The following SPEF2 variants were observed in gnomAD, a reference collection of about 807,000 sequenced individuals.
SPEF2 encodes sperm flagellar and cilia associated 2, also known as sperm flagella and cilia-associated protein 2.
A neutral mutation model predicts 224.6 loss-of-function variants in SPEF2; 187 were observed. The observed-to-expected ratio is 0.83, with a 90% confidence interval of 0.74 to 0.94. SPEF2 has a LOEUF of 0.94. SPEF2 is among the 40% of genes least tolerant of loss of function. The probability of loss-of-function intolerance (pLI) is 0.00; values close to 1 mark genes in which losing one functional copy is unlikely to be tolerated. For synonymous variants in SPEF2, 715 were observed against 707.3 expected (o/e 1.01, Z -0.17); for missense variants, 2,170 against 2,135.6 (o/e 1.02, Z -0.32).
At chr5:35,667,899 A>G (rs1451637019) in intron 9 of SPEF2, among the ~76,000 whole-genome samples, 1 of 152,192 alleles carries the variant, frequency 6.6e-6, no homozygotes, top group Non-Finnish European at 1.5e-5. Context: ...TGACAAATAC[A>G]CAAGTAAAAA....
intron 25 of SPEF2, among the ~76,000 whole-genome samples, chr5:35,760,326 G>T (rs1490642374): frequency 6.7e-6 from 1 of 149,292 alleles, no homozygotes; most frequent in African/African-American, 2.5e-5. Context: ...TCTCACCACC[G>T]CACTCCAGCC....
chr5:35,790,131 AGTTCAGCT>A, intron 30 of SPEF2: 4 of 702,996 alleles, frequency 5.7e-6, no homozygotes, highest in Non-Finnish European at 1.0e-5. Context: ...CCTTCCTGCA[AGTTCAGCT>A]GAAGCAGAAC....
intron 15 of SPEF2, chr5:35,700,162 G>T (rs1258847709): frequency 8.5e-5 from 20 of 235,476 alleles, no homozygotes; most frequent in Non-Finnish European, 1.2e-4. Flanking sequence ...GAAACTGTAA[G>T]ACCAATTAAA....
chr5:35,806,886 G>A lies in SPEF2; in HGVS notation c.5190G>A (p.Gly1730=), dbSNP rs752782486. The A allele has an allele frequency of 5.6e-6, 9 of 1,613,878 alleles. No individual in the cohort carries two copies. The South Asian group carries it at 9.9e-5, about 18-fold the overall frequency. The change falls in exon 35 of 37, where the codon GGG becomes GGA. Residue 1730 remains glycine, a synonymous_variant. Coordinates refer to ENST00000356031, the MANE Select transcript of SPEF2 (RefSeq NM_024867.4). ...SMETLLKVFK[G]GSEAQDSNRF... is the part of the protein sequence containing the mutation. The stretch of plus-strand genomic sequence containing the variant: ...AAACACTACTCAAAGTGTTCAAAGG[G>A]GGAAGTGAAGCACAGGACTCCAATA...
chr5:35,734,676 A>C (rs191973048), intron 21 of SPEF2, among the ~76,000 whole-genome samples: 4 of 148,668 alleles, frequency 2.7e-5, no homozygotes, highest in Non-Finnish European at 5.9e-5. Context: ...GTCACTTCAC[A>C]ACACTTAGTA....
Position 35,782,512 on chromosome 5 carries a change from T to C in SPEF2, c.4447+3166T>C, listed in dbSNP as rs1754483721. The stretch of plus-strand genomic sequence containing the variant: ...AACAGCCATTATGTTACTAGGCCCA[T>C]GGTAGGATTTTTTAGCAGATTTATA... On this transcript the variant is annotated intron_variant, in intron 30 of 36. Transcript: ENST00000356031. 2.0e-5 allele frequency among the ~76,000 whole-genome samples: 3 copies of C among 152,280 alleles called. No homozygotes were observed. The South Asian group carries it at 6.2e-4, about 32-fold the overall frequency.
rs756808375 is a variant in SPEF2 at position 35,659,107 on chromosome 5, G to T, written c.1067G>T (p.Arg356Leu). 1.2e-6 allele frequency: 2 copies of T among 1,612,834 alleles called. No homozygotes were observed. The highest frequency in any genetic ancestry group is 1.7e-5 in the Admixed American group (1 of 59,888). Residue 356 changes from arginine to leucine, a missense_variant, in exon 8 of 37, where the codon CGG becomes CTG. By Grantham distance (102) the Arg-to-Leu change is moderately radical (BLOSUM62 -2). Coordinates refer to ENST00000356031, the MANE Select transcript of SPEF2 (RefSeq NM_024867.4). ...RRIAVQLMHV[R>L]HEKEVLWQNR... ...ATTGCCGTGCAGCTCATGCATGTTCGGCATGAAAAGGAAGTTTTATGGCAA... is the reference window on the plus strand; with the variant it reads ...ATTGCCGTGCAGCTCATGCATGTTCTGCATGAAAAGGAAGTTTTATGGCAA...
At chr5:35,799,186 C>T (rs1157329330) in intron 33 of SPEF2, among the ~76,000 whole-genome samples, 1 of 152,178 alleles carries the variant, frequency 6.6e-6, no homozygotes, top group Non-Finnish European at 1.5e-5. Flanking sequence ...TAAAAAGGTT[C>T]TCCAGGTCAT....
intron 30 of SPEF2, among the ~76,000 whole-genome samples, chr5:35,784,379 C>G (rs1326597526): frequency 1.3e-5 from 2 of 152,204 alleles, no homozygotes; most frequent in African/African-American, 4.8e-5. Context: ...CCGCCCGCCT[C>G]AGCCTCCCAA....
intron 2 of SPEF2, among the ~76,000 whole-genome samples, chr5:35,634,893 A>G (rs1410010353): frequency 6.6e-6 from 1 of 151,396 alleles, no homozygotes; most frequent in African/African-American, 2.4e-5. Context: ...TTTATTTTTT[A>G]CTTAATGTCT....
intron 32 of SPEF2, 69 bp downstream of exon 32, chr5:35,793,410 T>A: frequency 6.7e-7 from 1 of 1,494,120 alleles, no homozygotes; most frequent in South Asian, 1.3e-5. Flanking sequence ...AATTACTCAA[T>A]GATGTTACAT....
At chr5:35,799,052 A>T (rs1450581030) in intron 33 of SPEF2, among the ~76,000 whole-genome samples, 2 of 152,192 alleles carry the variant, frequency 1.3e-5, no homozygotes, top group Non-Finnish European at 2.9e-5. Flanking sequence ...ATACCCTCTG[A>T]CTCTAGGAAC....
chr5:35,810,257 G>A (rs1487660878), intron 36 of SPEF2, among the ~76,000 whole-genome samples: 1 of 152,134 alleles, frequency 6.6e-6, no homozygotes, highest in Non-Finnish European at 1.5e-5. Flanking sequence ...TGTTGCCCAG[G>A]CTGGAGTGCA....
At chr5:35,798,685 C>T (rs1439748954) in intron 33 of SPEF2, among the ~76,000 whole-genome samples, 2 of 152,118 alleles carry the variant, frequency 1.3e-5, no homozygotes, top group African/African-American at 4.8e-5. Context: ...CCTCCACCTC[C>T]CGGGTTCAAG....
Position 35,656,257 on chromosome 5 carries a change from C to T in SPEF2, c.978+1531C>T, listed in dbSNP as rs75211360. Among the ~76,000 whole-genome samples the T allele has an allele frequency of 2.1e-3, 313 of 152,146 alleles. 2 individuals carry two copies. Among genetic ancestry groups the T allele is most frequent in the African/African-American group, 7.3e-3 (301 of 41,506 alleles). ...TTTGAAGATGCTTTTATTCACCTACCCACGTCTGGTCTGCTTGTTCGCTGA... is the reference window on the plus strand; with the variant it reads ...TTTGAAGATGCTTTTATTCACCTACTCACGTCTGGTCTGCTTGTTCGCTGA... On this transcript the variant is annotated intron_variant, in intron 7 of 36. Transcript: ENST00000356031.
At chr5:35,663,706 A>G (rs971784006) in intron 8 of SPEF2, among the ~76,000 whole-genome samples, 6 of 152,274 alleles carry the variant, frequency 3.9e-5, no homozygotes, top group African/African-American at 1.4e-4. Context: ...TGGAGAGTGT[A>G]AGAATATAAC....
chr5:35,722,597 C>T (rs1202136805), intron 20 of SPEF2, among the ~76,000 whole-genome samples: 18 of 139,220 alleles, frequency 1.3e-4, no homozygotes, highest in African/African-American at 4.3e-4. Context: ...AACTCGTCGT[C>T]TAGCATTAGG....
Position 35,771,698 on chromosome 5 carries a change from A to G in SPEF2, c.3891A>G (p.Ala1297=). The part of the protein sequence containing the change: ...DPKEKSPQMG[A]NKKVKKEPPK... ...AAGAAAAATCTCCTCAGATGGGTGCAAATAAAAAAGTCAAAAAGGAGCCAC... is the reference window on the plus strand; with the variant it reads ...AAGAAAAATCTCCTCAGATGGGTGCGAATAAAAAAGTCAAAAAGGAGCCAC... The change falls in exon 27 of 37, where the codon GCA becomes GCG. Residue 1297 remains alanine, a synonymous_variant. Coordinates refer to ENST00000356031, the MANE Select transcript of SPEF2 (RefSeq NM_024867.4). 1 of 1,603,482 alleles carries G rather than the reference A, an allele frequency of 6.2e-7. No individual in the cohort carries two copies. Among genetic ancestry groups the G allele is most frequent in the Non-Finnish European group, 8.5e-7 (1 of 1,177,572 alleles).
chr5:35,649,160 T>C (rs1747838626), intron 5 of SPEF2, among the ~76,000 whole-genome samples: 1 of 152,154 alleles, frequency 6.6e-6, no homozygotes, highest in Admixed American at 6.6e-5. Flanking sequence ...GAGGCAATTT[T>C]CACATTCTTT....
Sources: gnomAD v4.1 joint callset for allele counts (sites outside exome capture counted in the v4.1 genomes callset) on GRCh38, gnomAD v4.1.1 for gene constraint, MANE v1.5 for transcripts, NCBI Gene and HGNC (gene_info 2026-07-23, HGNC 2026-07-21) for gene names.